The following GTPBP6 variants were observed in gnomAD, a reference collection of about 807,000 sequenced individuals.
GTPBP6 encodes the protein GTP binding protein 6.
A neutral mutation model predicts 28.9 loss-of-function variants in GTPBP6; 33 were observed. The ratio of observed to expected loss-of-function variants is 1.14; its 90% CI spans 0.87 to 1.53. The LOEUF (loss-of-function observed/expected upper bound fraction) is 1.53. GTPBP6 is among the 40% of genes most tolerant of loss of function. GTPBP6 has a pLI of 0.00. For missense variants in GTPBP6, 507 were observed against 408.3 expected, an observed-to-expected ratio of 1.24 and a Z score of -2.08; for synonymous variants, 231 against 192.7, an observed-to-expected ratio of 1.20 and a Z score of -1.65.
intron 2 of GTPBP6, among the ~76,000 whole-genome samples, chrX:315,648 A>G (rs1375476022): frequency 2.2e-4 from 11 of 51,086 alleles, no homozygotes; most frequent in South Asian, 2.2e-3. Context: ...GACACACACA[A>G]ACACAGTAAA....
At chrX:307,932 C>A (rs941031898) in intron 7 of GTPBP6, 52 bp from the exon 8 acceptor site, 73 of 1,424,118 alleles carry the variant, frequency 5.1e-5, no homozygotes, top group Non-Finnish European at 6.5e-5. Context: ...TCCCTGACCC[C>A]AAGCTTGCAG....
At chrX:314,524 G>C (rs950816145) in intron 4 of GTPBP6, among the ~76,000 whole-genome samples, 6 of 151,674 alleles carry the variant, frequency 4.0e-5, no homozygotes, top group East Asian at 3.9e-4. Context: ...CCAGGCTGGA[G>C]TGCAGTGGCG....
chrX:314,918 C>G, exon 4 of GTPBP6: 1 of 398,788 alleles, frequency 2.5e-6, no homozygotes, highest in Non-Finnish European at 4.4e-6. Flanking sequence ...GCCAGGGCCA[C>G]CTGAAGCCGG....
chrX:317,133 C>G (rs2070453134), intron 1 of GTPBP6, 82 bp from the exon 2 acceptor site: 1 of 398,246 alleles, frequency 2.5e-6, no homozygotes, highest in African/African-American at 2.1e-5. Flanking sequence ...CCTCCTCCTG[C>G]CCTTGAGACA....
At chrX:306,098 C>G (rs144874086) in intron 9 of GTPBP6, among the ~76,000 whole-genome samples, 5 of 152,354 alleles carry the variant, frequency 3.3e-5, no homozygotes, top group Non-Finnish European at 5.9e-5. Context: ...GAGACCTGTA[C>G]CCCTTGACTG....
intron 2 of GTPBP6, among the ~76,000 whole-genome samples, chrX:316,704 A>G (rs2070446565): frequency 6.6e-6 from 1 of 152,050 alleles, no homozygotes; most frequent in Non-Finnish European, 1.5e-5. Context: ...AAGTCTCTCC[A>G]GGGCCCGGTG....
chrX:315,236 G>A (rs2070407761), exon 3 of GTPBP6: 11 of 398,514 alleles, frequency 2.8e-5, no homozygotes, highest in African/African-American at 6.2e-5. Context: ...TACCTTGGTC[G>A]GGGCAGCCAT....
intron 6 of GTPBP6, 59 bp downstream of exon 6, chrX:312,707 C>T (rs767673329): frequency 2.4e-5 from 37 of 1,520,028 alleles, no homozygotes; most frequent in African/African-American, 7.4e-5. Flanking sequence ...CTCCCCCGGG[C>T]GAGTCCTCAC....
chrX:309,307 G>A (rs1355758081), intron 7 of GTPBP6, among the ~76,000 whole-genome samples: 1 of 152,094 alleles, frequency 6.6e-6, no homozygotes, highest in Admixed American at 6.5e-5. Context: ...GGGCAGTTCC[G>A]GAGCCAAACA....
At position 315,220 on chromosome X, in the gene GTPBP6, C is replaced by T. The variant is rs1272379701; in HGVS notation, c.558+9G>A. The stretch of plus-strand genomic sequence containing the variant: ...GGGGACAAACACAGCAAGCCACATC[C>T]TGTGGTACCTTGGTCGGGGCAGCCA... On this transcript the variant is annotated intron_variant, in intron 3 of 9. Transcript: ENST00000326153. 2.5e-6 allele frequency: 1 copy of T among 398,570 alleles called. No individual in the cohort carries two copies. Among genetic ancestry groups the T allele is most frequent in the African/African-American group, 2.1e-5 (1 of 48,640 alleles). The allele number at this position is 398,570 out of a possible 1,614,324, so 24.7% of individuals were successfully genotyped here.
chrX:308,205 C>T (rs955449486), intron 7 of GTPBP6, among the ~76,000 whole-genome samples: 7 of 152,104 alleles, frequency 4.6e-5, no homozygotes, highest in African/African-American at 9.7e-5. Context: ...AGCTTTAGGG[C>T]GGCTTCATCC....
At chrX:306,901 AGCACAGATT>A (rs2070180624) in intron 9 of GTPBP6, among the ~76,000 whole-genome samples, 1 of 67,470 alleles carries the variant, frequency 1.5e-5, no homozygotes, top group Non-Finnish European at 2.7e-5. Context: ...TTTGACTGTC[AGCACAGATT>A]AGGCACCTGT....
At chrX:308,885 G>A (rs1298293691) in intron 7 of GTPBP6, among the ~76,000 whole-genome samples, 3 of 151,784 alleles carry the variant, frequency 2.0e-5, no homozygotes, top group South Asian at 2.1e-4. Flanking sequence ...ACAGGCACCC[G>A]CCACCATGCC....
exon 10 of GTPBP6, chrX:304,837 G>A (rs1324981462): frequency 1.4e-6 from 2 of 1,405,948 alleles, no homozygotes; most frequent in Non-Finnish European, 1.9e-6. Context: ...GGGCCCACTG[G>A]AATTGTGTGG....
chrX:313,631 G>A lies in GTPBP6; in HGVS notation c.757+519C>T, dbSNP rs139350163. On this transcript the variant is annotated intron_variant, in intron 5 of 9. Coordinates refer to ENST00000326153, the Ensembl canonical transcript of GTPBP6. ...AGATGCGACGATTCTGGATTAGGGC[G>A]GGCCATAAATGCAATGACATGTGTC... is the stretch of plus-strand genomic sequence containing the variant. Among the ~76,000 whole-genome samples, 848 of 152,204 alleles carry A rather than the reference G, an allele frequency of 5.6e-3. 2 individuals are homozygous for A. Among genetic ancestry groups the A allele is most frequent in the African/African-American group, 0.019 (805 of 41,536 alleles).
Position 315,699 on chromosome X carries a change from C to CACACACACACACACACAA in GTPBP6, c.488-401_488-400insTTGTGTGTGTGTGTGTGT, listed in dbSNP as rs2070421876. Reference sequence around the variant, plus strand: ...ACACAAACACATACACACACACACACACACACAGTAAATACATCCCGACAG... The same window carrying CACACACACACACACACAA: ...ACACAAACACATACACACACACACACACACACACACACACACAAACACACAGTAAATACATCCCGACAG... On this transcript the variant is annotated intron_variant, in intron 2 of 9. Transcript: ENST00000326153. Among the ~76,000 whole-genome samples, 2 of 20,094 alleles carry CACACACACACACACACAA rather than the reference C, an allele frequency of 1.0e-4. 1 individual carries two copies. Among genetic ancestry groups the CACACACACACACACACAA allele is most frequent in the Non-Finnish European group, 3.3e-4 (2 of 6,026 alleles). The allele number at this position is 20,094 out of a possible 152,430, so 13.2% of individuals were successfully genotyped here.
chrX:311,033 T>G (rs1313326746), intron 7 of GTPBP6, among the ~76,000 whole-genome samples: 2 of 151,090 alleles, frequency 1.3e-5, no homozygotes, highest in African/African-American at 4.9e-5. Flanking sequence ...GACGGCCGAC[T>G]TCCTATTTCT....
chrX:314,119 C>G (rs774071879), intron 5 of GTPBP6, 31 bp downstream of exon 5: 1 of 1,569,062 alleles, frequency 6.4e-7, no homozygotes, highest in Admixed American at 1.7e-5. Context: ...TTCCGAGGAC[C>G]CTCTGGGACG....
At chrX:314,408 G>GT (rs2070386011) in intron 4 of GTPBP6, among the ~76,000 whole-genome samples, 191 bp from the exon 5 acceptor site, 1 of 152,182 alleles carries the variant, frequency 6.6e-6, no homozygotes, top group Non-Finnish European at 1.5e-5. Flanking sequence ...GACCTGCCTA[G>GT]TGGGGAGCCG....
Sources: allele counts gnomAD v4.1 joint callset (sites outside exome capture counted in the v4.1 genomes callset), GRCh38; gene constraint gnomAD v4.1.1; transcripts MANE v1.5; gene names NCBI Gene and HGNC (gene_info 2026-07-23, HGNC 2026-07-21).